SMG1: variants seen among roughly 807,000 people sequenced by gnomAD.
The protein encoded by SMG1 is serine/threonine-protein kinase SMG1.
A neutral mutation model predicts 419.9 loss-of-function variants in SMG1; 22 were observed. The observed-to-expected ratio is 0.05, with a 90% confidence interval of 0.04 to 0.07. The LOEUF is 0.07. Among genes scored for constraint, SMG1 ranks in the 10% least tolerant of loss-of-function variants. The probability of loss-of-function intolerance (pLI) is 1.00; values close to 1 mark genes in which losing one functional copy is unlikely to be tolerated. For synonymous variants in SMG1, 1,538 were observed against 1,553.5 expected (o/e 0.99, Z 0.23); for missense variants, 3,185 against 4,342.0 (o/e 0.73, Z 7.49).
chr16:18,918,391 T>C (rs535569042), intron 1 of SMG1, among the ~76,000 whole-genome samples: 49 of 152,338 alleles, frequency 3.2e-4, no homozygotes, highest in African/African-American at 1.0e-3. Context: ...AAGTACCCAA[T>C]TTCTCTACAC....
intron 39 of SMG1, among the ~76,000 whole-genome samples, chr16:18,844,181 C>T (rs745631906): frequency 1.2e-4 from 18 of 152,074 alleles, no homozygotes; most frequent in African/African-American, 4.3e-4. Context: ...GTAATCCCAG[C>T]ACTTTGGGAG....
intron 51 of SMG1, among the ~76,000 whole-genome samples, chr16:18,831,788 T>C (rs914740188): frequency 1.4e-4 from 21 of 146,622 alleles, no homozygotes; most frequent in African/African-American, 5.1e-4. Context: ...TATATATATA[T>C]ATACACACAC....
chr16:18,863,633 G>A lies in SMG1; in HGVS notation c.3695+17C>T. 6.3e-7 allele frequency: 1 copy of A among 1,591,294 alleles called. No homozygotes were observed. Among genetic ancestry groups the A allele is most frequent in the Non-Finnish European group, 8.5e-7 (1 of 1,175,222 alleles). ...TTATTGGAAATTTGTTTTATAACTG[G>A]AAAAAGTAAGCCTTACTTTATATAG... On this transcript the variant is annotated intron_variant, in intron 25 of 62. Transcript: ENST00000446231.
chr16:18,817,561 T>G (rs1287998456), intron 56 of SMG1, 91 bp from the exon 57 acceptor site: 2 of 1,045,104 alleles, frequency 1.9e-6, no homozygotes, highest in African/African-American at 3.2e-5. Flanking sequence ...TACTACTTCC[T>G]CATTTTGAGA....
At chr16:18,812,192 C>G (rs1389211719) in intron 60 of SMG1, 65 bp from the exon 61 acceptor site, 4 of 1,505,142 alleles carry the variant, frequency 2.7e-6, no homozygotes, top group Non-Finnish European at 3.6e-6. Context: ...CAGAGTGGAG[C>G]AAGCACGGGA....
At position 18,866,608 on chromosome 16, in the gene SMG1, C is replaced by T; in HGVS notation, c.3350+13G>A. Reference sequence around the variant, plus strand: ...AAGTAATTCTATCACCCATTTCCTTCCCTCCAACCTACCTCCCTTCAGCCT... The same window carrying T: ...AAGTAATTCTATCACCCATTTCCTTTCCTCCAACCTACCTCCCTTCAGCCT... On this transcript the variant is annotated intron_variant, in intron 23 of 62. Coordinates refer to ENST00000446231, the MANE Select transcript of SMG1 (RefSeq NM_015092.5). The T allele has an allele frequency of 1.3e-6, 2 of 1,584,844 alleles. No homozygotes were observed. Among genetic ancestry groups the T allele is most frequent in the South Asian group, 2.2e-5 (2 of 90,720 alleles).
Position 18,833,042 on chromosome 16 carries a change from C to T in SMG1, c.8690G>A (p.Gly2897Asp), listed in dbSNP as rs1374429841. Residue 2897 changes from glycine to aspartate, a missense_variant, in exon 51 of 63, where the codon GGC becomes GAC. Gly to Asp is a moderately conservative substitution (Grantham distance 94). Coordinates refer to ENST00000446231, the MANE Select transcript of SMG1 (RefSeq NM_015092.5). ...TTCCACTAGAGTCTGCAGGGGAACGCCATCGGTGGTCTGCTCAATAAGACC... is the reference window on the plus strand; with the variant it reads ...TTCCACTAGAGTCTGCAGGGGAACGTCATCGGTGGTCTGCTCAATAAGACC... ...LDGLIEQTTD[G>D]VPLQTLVESL... is the part of the protein sequence containing the mutation. 3.1e-6 allele frequency: 5 copies of T among 1,613,970 alleles called. No homozygotes were observed. Among genetic ancestry groups the T allele is most frequent in the Non-Finnish European group, 4.2e-6 (5 of 1,179,880 alleles).
intron 33 of SMG1, among the ~76,000 whole-genome samples, chr16:18,850,998 G>A (rs1567366950): frequency 2.0e-5 from 3 of 152,044 alleles, no homozygotes; most frequent in Non-Finnish European, 4.4e-5. Context: ...CAGGTGATCC[G>A]CCTGCCTCGG....
chr16:18,910,361 G>C (rs1428413009), intron 1 of SMG1, among the ~76,000 whole-genome samples: 1 of 151,438 alleles, frequency 6.6e-6, no homozygotes, highest in South Asian at 2.1e-4. Context: ...CTCCCAAATA[G>C]CTGGGATTAC....
intron 25 of SMG1, among the ~76,000 whole-genome samples, chr16:18,862,060 G>A (rs938650879): frequency 5.9e-5 from 9 of 151,840 alleles, no homozygotes; most frequent in Admixed American, 3.9e-4. Flanking sequence ...TCCTATCCTC[G>A]ACTTCAAGAA....
intron 1 of SMG1, among the ~76,000 whole-genome samples, chr16:18,902,603 C>G (rs377245949): frequency 9.2e-4 from 139 of 151,716 alleles, no homozygotes; most frequent in African/African-American, 3.1e-3. Flanking sequence ...AGGTGGCTGA[C>G]GTAGGAGGAC....
chr16:18,815,000 G>A (rs1430787489), intron 60 of SMG1, among the ~76,000 whole-genome samples, 175 bp downstream of exon 60: 1 of 151,490 alleles, frequency 6.6e-6, no homozygotes, highest in African/African-American at 2.4e-5. Flanking sequence ...TTACAGGTGT[G>A]AGCCATCGTG....
At chr16:18,819,310 A>G (rs950662762) in intron 56 of SMG1, among the ~76,000 whole-genome samples, 192 bp downstream of exon 56, 1 of 135,106 alleles carries the variant, frequency 7.4e-6, no homozygotes, top group South Asian at 2.4e-4. Flanking sequence ...GAGAGGCAGT[A>G]AAGGCCAAGG....
intron 50 of SMG1, 109 bp from the exon 51 acceptor site, chr16:18,833,275 CA>C: frequency 1.5e-6 from 1 of 666,756 alleles, no homozygotes; most frequent in South Asian, 2.0e-5. Flanking sequence ...ACTATGCCAT[CA>C]ACTCATTCAT....
At chr16:18,816,246 C>T (rs1438799764) in intron 58 of SMG1, 56 bp downstream of exon 58, 1 of 1,338,536 alleles carries the variant, frequency 7.5e-7, no homozygotes, top group Admixed American at 2.4e-5. Context: ...AATAAAACTA[C>T]TTGTAAATTT....
intron 50 of SMG1, 96 bp from the exon 51 acceptor site, chr16:18,833,262 G>A (rs774185474): frequency 1.8e-5 from 14 of 782,288 alleles, no homozygotes; most frequent in Non-Finnish European, 2.6e-5. Flanking sequence ...GCAAACTTAT[G>A]TAACTATGCC....
chr16:18,925,722 G>A (rs1049708727), intron 1 of SMG1: 2 of 166,152 alleles, frequency 1.2e-5, no homozygotes, highest in African/African-American at 2.7e-5. Flanking sequence ...CGGGAGCCCC[G>A]GGTCTCGGCT....
intron 7 of SMG1, 112 bp from the exon 8 acceptor site, chr16:18,885,274 C>G: frequency 4.6e-6 from 3 of 647,054 alleles, no homozygotes; most frequent in Middle Eastern, 4.2e-4. Flanking sequence ...GTTCTACCTA[C>G]TTGACATTCT....
At chr16:18,909,344 A>G (rs2141951694) in intron 1 of SMG1, among the ~76,000 whole-genome samples, 1 of 152,160 alleles carries the variant, frequency 6.6e-6, no homozygotes, top group East Asian at 1.9e-4. Context: ...CTCCATCTCA[A>G]AAAAAGGAAA....
Sources: gnomAD v4.1 joint callset for allele counts (sites outside exome capture counted in the v4.1 genomes callset) on GRCh38, gnomAD v4.1.1 for gene constraint, MANE v1.5 for transcripts, NCBI Gene and HGNC (gene_info 2026-07-23, HGNC 2026-07-21) for gene names.